LRP1B: variants seen among roughly 807,000 people sequenced by gnomAD.
LRP1B encodes low-density lipoprotein receptor-related protein 1B.
A neutral mutation model predicts 556.6 loss-of-function variants in LRP1B; 217 were observed. The observed-to-expected ratio is 0.39, with a 90% CI of 0.35 to 0.44. The LOEUF (loss-of-function observed/expected upper bound fraction) is 0.44. Ranked by LOEUF, LRP1B falls within the 20% of genes least tolerant of loss-of-function variation. The probability of loss-of-function intolerance (pLI) is 1.00; values close to 1 mark genes in which losing one functional copy is unlikely to be tolerated. For missense variants in LRP1B, 5,053 were observed against 5,620.8 expected (o/e 0.90, Z 3.23); for synonymous variants, 2,047 against 1,865.8 (o/e 1.10, Z -2.50).
In LRP1B at chr2:140,352,940, G is replaced by T. The variant is rs1156596585; in HGVS notation, c.11650+13C>A. On this transcript the variant is annotated intron_variant, in intron 76 of 90. Transcript: ENST00000389484. ...AATTGTAATAGGATTTGCAATAGTG[G>T]TTATAATCTTACCTTCTGCTATGCA... The T allele has an allele frequency of 1.2e-6, 2 of 1,606,042 alleles. No homozygotes were observed. The highest frequency in any genetic ancestry group is 1.7e-6 in the Non-Finnish European group (2 of 1,176,984).
At chr2:140,765,458 T>C (rs555444288) in intron 35 of LRP1B, among the ~76,000 whole-genome samples, 1 of 152,222 alleles carries the variant, frequency 6.6e-6, no homozygotes, top group East Asian at 1.9e-4. Context: ...TGAAGGCTTT[T>C]CTCCTAACTA....
chr2:141,059,147 G>A (rs1699268970), intron 8 of LRP1B, 93 bp from the exon 9 acceptor site: 2 of 788,892 alleles, frequency 2.5e-6, no homozygotes, highest in Non-Finnish European at 3.8e-6. Context: ...ATGGAAAATG[G>A]CCACAGCAGA....
intron 31 of LRP1B, among the ~76,000 whole-genome samples, chr2:140,834,656 G>A (rs1162528303): frequency 2.6e-5 from 4 of 152,234 alleles, no homozygotes; most frequent in Admixed American, 6.5e-5. Context: ...TCTAAACAGC[G>A]GGTCGTTTTG....
chr2:140,548,363 G>C (rs1680423714), intron 43 of LRP1B, among the ~76,000 whole-genome samples: 1 of 152,098 alleles, frequency 6.6e-6, no homozygotes, highest in Admixed American at 6.5e-5. Flanking sequence ...TTCTTTACAT[G>C]TATGAGAAAG....
chr2:141,570,362 C>T (rs894106162), intron 2 of LRP1B, among the ~76,000 whole-genome samples: 2 of 150,874 alleles, frequency 1.3e-5, no homozygotes, highest in Non-Finnish European at 3.0e-5. Context: ...AGTGAGTGAG[C>T]GTGCTACCCA....
chr2:140,987,980 G>GA (rs1447844457), intron 17 of LRP1B, among the ~76,000 whole-genome samples: 34 of 151,376 alleles, frequency 2.2e-4, no homozygotes, highest in South Asian at 1.7e-3. Flanking sequence ...CAAGACTGTC[G>GA]AAAAAAAAGA....
intron 21 of LRP1B, 43 bp from the exon 22 acceptor site, chr2:140,908,120 G>C: frequency 6.6e-7 from 1 of 1,516,318 alleles, no homozygotes; most frequent in Non-Finnish European, 9.1e-7. Context: ...TTTGTGATTA[G>C]GTCATTATGA....
chr2:141,023,600 G>C (rs1368775994), intron 11 of LRP1B, among the ~76,000 whole-genome samples: 1 of 151,854 alleles, frequency 6.6e-6, no homozygotes, highest in East Asian at 1.9e-4. Context: ...TACATTCATG[G>C]AACAGAAGAC....
At chr2:140,993,114 T>C (rs1222184837) in intron 16 of LRP1B, among the ~76,000 whole-genome samples, 1 of 152,028 alleles carries the variant, frequency 6.6e-6, no homozygotes, top group Non-Finnish European at 1.5e-5. Flanking sequence ...ATTTGTATAT[T>C]AATTTTTAAA....
chr2:140,350,858 C>T lies in LRP1B; in HGVS notation c.11831G>A (p.Gly3944Asp), dbSNP rs2105115730. Residue 3944 changes from glycine to aspartate, a missense_variant, in exon 77 of 91, where the codon GGC (glycine) becomes GAC (aspartate). Gly to Asp is a moderately conservative substitution (Grantham distance 94). Around this residue, in one of 5 missense-constraint regions of LRP1B, gnomAD observed 599 missense variants for 648.4 expected, o/e 0.92. Coordinates refer to ENST00000389484, the MANE Select transcript of LRP1B (RefSeq NM_018557.3). ...MIIWSTQFNP[G>D]GIFYKRIHGR... Reference sequence around the variant, plus strand: ...ATGGATCCTTTTGTAGAAAATTCCGCCTGGATTAAACTGAGTACTCCAAAT... The same window carrying T: ...ATGGATCCTTTTGTAGAAAATTCCGTCTGGATTAAACTGAGTACTCCAAAT... The T allele has an allele frequency of 6.2e-7, 1 of 1,610,518 alleles. No homozygotes were observed. The highest frequency in any genetic ancestry group is 8.5e-7 in the Non-Finnish European group (1 of 1,177,930).
chr2:141,048,202 G>T (rs1014077060), intron 11 of LRP1B, among the ~76,000 whole-genome samples: 1 of 152,046 alleles, frequency 6.6e-6, no homozygotes, highest in Non-Finnish European at 1.5e-5. Context: ...TATTCAAGAA[G>T]TAAGCAGACT....
At chr2:141,872,484 G>T (rs936651743) in intron 1 of LRP1B, among the ~76,000 whole-genome samples, 2 of 151,702 alleles carry the variant, frequency 1.3e-5, no homozygotes, top group Non-Finnish European at 2.9e-5. Flanking sequence ...CTACAAAATG[G>T]TTCAACATAT....
intron 3 of LRP1B, among the ~76,000 whole-genome samples, chr2:141,398,573 G>A (rs1426936425): frequency 1.3e-5 from 2 of 152,022 alleles, no homozygotes; most frequent in African/African-American, 2.4e-5. Context: ...TTGTACCCCC[G>A]GCTGACAGGC....
chr2:141,462,388 C>T (rs1681911098), intron 3 of LRP1B, among the ~76,000 whole-genome samples: 1 of 150,736 alleles, frequency 6.6e-6, no homozygotes. Context: ...TCCTATTGTA[C>T]AATAAGAACA....
intron 1 of LRP1B, among the ~76,000 whole-genome samples, chr2:142,044,971 T>A (rs1017058684): frequency 6.6e-6 from 1 of 151,798 alleles, no homozygotes; most frequent in African/African-American, 2.4e-5. Context: ...AGTTTCTCCA[T>A]CTCTATATGC....
chr2:140,426,536 T>C (rs1685663343), intron 66 of LRP1B, among the ~76,000 whole-genome samples: 1 of 152,036 alleles, frequency 6.6e-6, no homozygotes, highest in Non-Finnish European at 1.5e-5. Flanking sequence ...CTGATGACAT[T>C]ATCTTCTGAA....
chr2:140,780,806 C>T (rs1281175573), intron 32 of LRP1B, among the ~76,000 whole-genome samples: 1 of 152,062 alleles, frequency 6.6e-6, no homozygotes, highest in Non-Finnish European at 1.5e-5. Context: ...ATTTTTATTG[C>T]TACAGGAGAC....
At chr2:141,707,596 T>C (rs1051949596) in intron 2 of LRP1B, among the ~76,000 whole-genome samples, 5 of 152,296 alleles carry the variant, frequency 3.3e-5, no homozygotes, top group African/African-American at 1.2e-4. Flanking sequence ...TAGTTGTGTC[T>C]GCACCACTGT....
intron 1 of LRP1B, among the ~76,000 whole-genome samples, chr2:142,045,142 G>GA (rs34255275): frequency 0.067 from 9,697 of 145,110 alleles, 415 homozygotes; most frequent in Non-Finnish European, 0.091. Context: ...ACCCAAGGGG[G>GA]AAAAAAAAAA....
Sources: gnomAD v4.1 joint callset for allele counts (sites outside exome capture counted in the v4.1 genomes callset) on GRCh38, gnomAD v4.1.1 for gene constraint, gnomAD v4.1.1 regional missense constraint, MANE v1.5 for transcripts, NCBI Gene and HGNC (gene_info 2026-07-23, HGNC 2026-07-21) for gene names.